The following TMCO5A variants were observed in gnomAD, a reference collection of about 807,000 sequenced individuals.
The protein encoded by TMCO5A is transmembrane and coiled-coil domains 5A.
A neutral mutation model predicts 42.3 loss-of-function variants in TMCO5A; 34 were observed. That is an observed-to-expected ratio of 0.80 (90% CI 0.61 to 1.07). TMCO5A has a LOEUF of 1.07. TMCO5A is among the 50% of genes least tolerant of loss of function. The pLI is 0.00. For missense variants in TMCO5A, 357 were observed against 327.9 expected (o/e 1.09, Z -0.69); for synonymous variants, 131 against 115.6 (o/e 1.13, Z -0.86).
chr15:38,038,242 C>A, the TMCO5A span, among the ~76,000 whole-genome samples: 2 of 152,082 alleles, frequency 1.3e-5, no homozygotes, highest in Non-Finnish European at 1.5e-5. Context: ...TGAAGTACAT[C>A]ACATAAAATA....
At chr15:37,936,640 T>A (rs967304380) in intron 3 of TMCO5A, among the ~76,000 whole-genome samples, 177 bp downstream of exon 3, 1 of 152,126 alleles carries the variant, frequency 6.6e-6, no homozygotes, top group Admixed American at 6.6e-5. Flanking sequence ...TCAAATAGAT[T>A]CCTAAAAGAT....
downstream of TMCO5A, among the ~76,000 whole-genome samples, chr15:37,969,129 C>T (rs894237808): frequency 1.3e-5 from 2 of 152,050 alleles, no homozygotes; most frequent in Non-Finnish European, 2.9e-5. Context: ...TCCATGTCTA[C>T]GTCCAATAAG....
chr15:37,998,570 A>G, the TMCO5A span, among the ~76,000 whole-genome samples: 1 of 152,148 alleles, frequency 6.6e-6, no homozygotes, highest in African/African-American at 2.4e-5. Flanking sequence ...GTCTGTTTTT[A>G]TGCCAGTATC....
the TMCO5A span, among the ~76,000 whole-genome samples, chr15:37,973,279 C>T: frequency 1.3e-5 from 2 of 150,932 alleles, no homozygotes; most frequent in African/African-American, 4.9e-5. Context: ...TATTGGGGCT[C>T]TTTTTTGGTT....
At chr15:38,014,469 T>C in the TMCO5A span, among the ~76,000 whole-genome samples, 3 of 152,118 alleles carry the variant, frequency 2.0e-5, no homozygotes, top group Non-Finnish European at 4.4e-5. Flanking sequence ...AAAAATAAAA[T>C]AGAAATACTT....
At chr15:37,944,813 T>C (rs551067841) in intron 10 of TMCO5A, among the ~76,000 whole-genome samples, 2 of 152,224 alleles carry the variant, frequency 1.3e-5, no homozygotes, top group South Asian at 4.1e-4. Context: ...GAGAAAATAT[T>C]TTGAAACCAG....
the TMCO5A span, among the ~76,000 whole-genome samples, chr15:38,014,598 G>C: frequency 3.0e-4 from 46 of 152,072 alleles, no homozygotes; most frequent in African/African-American, 1.0e-3. Flanking sequence ...TGAATTGATA[G>C]AGAGAGGTGA....
chr15:37,989,659 T>G, the TMCO5A span, among the ~76,000 whole-genome samples: 17 of 152,078 alleles, frequency 1.1e-4, no homozygotes, highest in Non-Finnish European at 1.9e-4. Context: ...GAAGAGGATC[T>G]CTTAATACAT....
At chr15:38,000,279 T>G in the TMCO5A span, among the ~76,000 whole-genome samples, 1 of 152,166 alleles carries the variant, frequency 6.6e-6, no homozygotes. Context: ...TTTAACCATT[T>G]CTTTAGGTTT....
At chr15:38,018,204 C>G in the TMCO5A span, among the ~76,000 whole-genome samples, 1 of 152,094 alleles carries the variant, frequency 6.6e-6, no homozygotes, top group Admixed American at 6.6e-5. Flanking sequence ...TCAAGGCAAG[C>G]CTTTACTGGT....
chr15:37,992,725 C>A, the TMCO5A span, among the ~76,000 whole-genome samples: 1 of 152,132 alleles, frequency 6.6e-6, no homozygotes, highest in Non-Finnish European at 1.5e-5. Flanking sequence ...AGGCCATCGT[C>A]CTTAGCAAAT....
chr15:38,002,693 AT>A, the TMCO5A span, among the ~76,000 whole-genome samples: 4 of 151,748 alleles, frequency 2.6e-5, no homozygotes, highest in African/African-American at 9.7e-5. Flanking sequence ...TTTCTGCTTG[AT>A]TCTTTTTTTA....
the TMCO5A span, among the ~76,000 whole-genome samples, chr15:38,037,654 G>A: frequency 5.3e-5 from 8 of 152,070 alleles, no homozygotes; most frequent in Non-Finnish European, 1.2e-4. Context: ...GGAGAAGTAG[G>A]GCCACATCAC....
chr15:38,031,739 G>A, the TMCO5A span, among the ~76,000 whole-genome samples: 1 of 152,228 alleles, frequency 6.6e-6, no homozygotes, highest in Admixed American at 6.5e-5. Context: ...AGCCACTCCA[G>A]AATAGCTGAC....
At chr15:37,988,084 A>T in the TMCO5A span, among the ~76,000 whole-genome samples, 4 of 151,932 alleles carry the variant, frequency 2.6e-5, no homozygotes, top group Admixed American at 2.6e-4. Context: ...CTAGGTTAAT[A>T]CTTAAGCATT....
At chr15:37,984,840 G>A in the TMCO5A span, 7 of 151,848 alleles carry the variant, frequency 4.6e-5, no homozygotes, top group Admixed American at 4.6e-4. Context: ...AGAACTGTGA[G>A]ACATTTCTGT....
At chr15:37,964,206 A>G (rs1357030352) in intron 11 of TMCO5A, among the ~76,000 whole-genome samples, 1 of 151,832 alleles carries the variant, frequency 6.6e-6, no homozygotes, top group Non-Finnish European at 1.5e-5. Flanking sequence ...TTGATGTAAT[A>G]CTCTCTCCCT....
chr15:37,994,401 G>A, the TMCO5A span, among the ~76,000 whole-genome samples: 1 of 152,150 alleles, frequency 6.6e-6, no homozygotes, highest in African/African-American at 2.4e-5. Context: ...TCCCTGAGCT[G>A]GAGTCTCACT....
intron 10 of TMCO5A, among the ~76,000 whole-genome samples, chr15:37,945,367 T>G (rs1016719162): frequency 1.3e-5 from 2 of 152,202 alleles, no homozygotes; most frequent in Admixed American, 6.6e-5. Flanking sequence ...ATAGAATGAT[T>G]TATATTCCTT....
Sources: gnomAD v4.1 joint callset for allele counts (sites outside exome capture counted in the v4.1 genomes callset) on GRCh38, gnomAD v4.1.1 for gene constraint, MANE v1.5 for transcripts, NCBI Gene and HGNC (gene_info 2026-07-23, HGNC 2026-07-21) for gene names.